The following NHSL1 variants were observed in gnomAD, a reference collection of about 807,000 sequenced individuals.
NHSL1 encodes the protein NHS like 1.
NHSL1 carries 48 observed loss-of-function variants against 95.0 expected under a neutral mutation model. The observed-to-expected ratio is 0.51, with a 90% confidence interval of 0.40 to 0.64. NHSL1 has a LOEUF of 0.64. NHSL1 is among the 30% of genes least tolerant of loss of function. NHSL1 has a pLI of 0.00. For missense variants in NHSL1, 1,971 were observed against 2,077.7 expected (o/e 0.95, Z 1.00); for synonymous variants, 783 against 833.9 (o/e 0.94, Z 1.05).
intron 2 of NHSL1, among the ~76,000 whole-genome samples, chr6:138,478,212 C>G (rs187801459): frequency 1.8e-3 from 273 of 151,848 alleles, no homozygotes; most frequent in Admixed American, 3.9e-3. Context: ...AAGTCCTGAC[C>G]TCAGGTGATC....
chr6:138,684,965 C>T (rs943861759), intron 1 of NHSL1, among the ~76,000 whole-genome samples: 11 of 151,962 alleles, frequency 7.2e-5, no homozygotes, highest in East Asian at 3.9e-4. Context: ...ATACTTATAA[C>T]GATTTTTTTT....
At chr6:138,538,211 G>C (rs1347919040) in intron 1 of NHSL1, among the ~76,000 whole-genome samples, 2 of 152,100 alleles carry the variant, frequency 1.3e-5, no homozygotes, top group Non-Finnish European at 2.9e-5. Context: ...CTTAAAATTA[G>C]GAAAGGGTCT....
At chr6:138,536,072 A>G (rs2128319560) in intron 1 of NHSL1, among the ~76,000 whole-genome samples, 1 of 152,348 alleles carries the variant, frequency 6.6e-6, no homozygotes, top group East Asian at 1.9e-4. Flanking sequence ...AAATTAGAGT[A>G]AAGGAAATCT....
chr6:138,587,215 C>T (rs1271463893), intron 1 of NHSL1, among the ~76,000 whole-genome samples: 3 of 151,488 alleles, frequency 2.0e-5, no homozygotes, highest in African/African-American at 4.8e-5. Context: ...TCAGGCGATC[C>T]GCCCACCTCA....
intron 1 of NHSL1, among the ~76,000 whole-genome samples, chr6:138,628,407 G>A (rs1784774111): frequency 6.6e-6 from 1 of 152,024 alleles, no homozygotes; most frequent in Non-Finnish European, 1.5e-5. Context: ...CATATTTTGG[G>A]AAGCATGTTA....
intron 1 of NHSL1, among the ~76,000 whole-genome samples, chr6:138,590,080 C>T (rs1784202170): frequency 6.6e-6 from 1 of 152,206 alleles, no homozygotes; most frequent in Non-Finnish European, 1.5e-5. Flanking sequence ...TCACTGCAAC[C>T]TCTGCCTCCT....
At chr6:138,464,801 CTCG>C (rs1211492897) in intron 3 of NHSL1, among the ~76,000 whole-genome samples, 74 of 149,386 alleles carry the variant, frequency 5.0e-4, no homozygotes, top group Non-Finnish European at 6.4e-4. Context: ...CAACCTCTGC[CTCG>C]CAGGTTCAAG....
Position 138,488,334 on chromosome 6 carries a change from T to C in NHSL1, c.211+7885A>G, listed in dbSNP as rs183461653. Among the ~76,000 whole-genome samples, 11 of 152,294 alleles carry C rather than the reference T, an allele frequency of 7.2e-5. No individual in the cohort carries two copies. In the East Asian group the frequency reaches 2.1e-3, roughly 29 times the overall value. ...AGACATCTGACCTTCACCTTTTGCA[T>C]ATCAATTTTACTGAAGTATTCTTTG... On this transcript the variant is annotated intron_variant, in intron 2 of 7. Coordinates refer to ENST00000343505, the MANE Select transcript of NHSL1 (RefSeq NM_001144060.2).
At chr6:138,496,124 A>G (rs1780334795) in intron 2 of NHSL1, 95 bp downstream of exon 2, 1 of 1,306,986 alleles carries the variant, frequency 7.7e-7, no homozygotes, top group African/African-American at 1.5e-5. Context: ...TATACATTCA[A>G]TAAAAGTAGA....
At chr6:138,552,384 C>T (rs1783041518) in intron 1 of NHSL1, among the ~76,000 whole-genome samples, 2 of 152,114 alleles carry the variant, frequency 1.3e-5, no homozygotes, top group Admixed American at 6.5e-5. Flanking sequence ...CATGCCACTG[C>T]ACTCCAGCCT....
chr6:138,426,174 T>C (rs1317070297), intron 7 of NHSL1, among the ~76,000 whole-genome samples: 1 of 152,164 alleles, frequency 6.6e-6, no homozygotes, highest in East Asian at 1.9e-4. Context: ...GTTAATAGAA[T>C]AAAGACGTGG....
At chr6:138,439,201 T>C (rs1412500759) in intron 5 of NHSL1, among the ~76,000 whole-genome samples, 37 of 152,176 alleles carry the variant, frequency 2.4e-4, no homozygotes, top group Admixed American at 2.4e-3. Flanking sequence ...TCTGGTTAGA[T>C]TTTTTTAAAA....
At chr6:138,685,119 T>A (rs1785568991) in intron 1 of NHSL1, among the ~76,000 whole-genome samples, 1 of 152,194 alleles carries the variant, frequency 6.6e-6, no homozygotes, top group Non-Finnish European at 1.5e-5. Flanking sequence ...TTTGTTAAAT[T>A]TTTTCATTTG....
At chr6:138,657,479 A>G (rs1785170812) in intron 1 of NHSL1, among the ~76,000 whole-genome samples, 4 of 152,174 alleles carry the variant, frequency 2.6e-5, no homozygotes, top group Admixed American at 2.0e-4. Context: ...CTTCTACAAT[A>G]TCCCTGAACT....
At chr6:138,492,057 T>C (rs1780109275) in intron 2 of NHSL1, among the ~76,000 whole-genome samples, 1 of 152,256 alleles carries the variant, frequency 6.6e-6, no homozygotes, top group Non-Finnish European at 1.5e-5. Context: ...TCTAAGCCTG[T>C]GACCATCAAA....
At chr6:138,631,938 T>C (rs1784825246) in intron 1 of NHSL1, among the ~76,000 whole-genome samples, 1 of 152,052 alleles carries the variant, frequency 6.6e-6, no homozygotes, top group Admixed American at 6.6e-5. Flanking sequence ...ATTCTAGAAC[T>C]TGGCTCTTGG....
At chr6:138,439,168 T>A (rs1390849150) in intron 5 of NHSL1, among the ~76,000 whole-genome samples, 1 of 152,194 alleles carries the variant, frequency 6.6e-6, no homozygotes, top group Non-Finnish European at 1.5e-5. Flanking sequence ...ATATAAATCC[T>A]TTCTAATTCA....
intron 3 of NHSL1, among the ~76,000 whole-genome samples, chr6:138,462,577 C>T (rs1373680907): frequency 6.7e-6 from 1 of 148,616 alleles, no homozygotes; most frequent in Non-Finnish European, 1.5e-5. Context: ...CATATCCAAA[C>T]CACAGCAGGC....
chr6:138,598,073 G>A (rs1183438529), intron 1 of NHSL1, among the ~76,000 whole-genome samples: 3 of 152,048 alleles, frequency 2.0e-5, no homozygotes, highest in African/African-American at 7.3e-5. Flanking sequence ...GGCCGAGGCA[G>A]GAGGATCATA....
Sources: gnomAD v4.1 joint callset for allele counts (sites outside exome capture counted in the v4.1 genomes callset) on GRCh38, gnomAD v4.1.1 for gene constraint, MANE v1.5 for transcripts, NCBI Gene and HGNC (gene_info 2026-07-23, HGNC 2026-07-21) for gene names.